Variants in PIK3R3 observed in about 807,000 individuals in gnomAD.
PIK3R3 encodes phosphoinositide-3-kinase regulatory subunit 3.
A neutral mutation model predicts 62.9 loss-of-function variants in PIK3R3; 64 were observed. The ratio of observed to expected loss-of-function variants is 1.02; its 90% confidence interval spans 0.83 to 1.25. The LOEUF is 1.25. PIK3R3 is among the 50% of genes most tolerant of loss of function. PIK3R3 has a pLI of 0.00. For synonymous variants in PIK3R3, 165 were observed against 189.0 expected (o/e 0.87, Z 1.04); for missense variants, 614 against 561.6 (o/e 1.09, Z -0.94).
chr1:46,043,735 C>A lies in PIK3R3; in HGVS notation c.1324G>T (p.Asp442Tyr), dbSNP rs776413265. The A allele has an allele frequency of 2.5e-6, 4 of 1,614,062 alleles. No individual in the cohort carries two copies. The highest frequency in any genetic ancestry group is 3.4e-6 in the Non-Finnish European group (4 of 1,180,036). The change falls in exon 10 of 10, where the codon GAC (aspartate) becomes TAC (tyrosine). Residue 442 changes from aspartate (D) to tyrosine (Y), a missense_variant. Asp to Tyr is a radical substitution (Grantham distance 160). Coordinates refer to ENST00000262741, the MANE Select transcript of PIK3R3 (RefSeq NM_003629.4). ...YQQTSLVQHN[D>Y]SLNVRLAYPV... ...TAGGCAAGCCTGACGTTGAGGGAGT[C>A]GTTGTGCTGAACCAAGGATGTCTGC...
At chr1:46,063,951 G>A (rs1484026088) in intron 5 of PIK3R3, among the ~76,000 whole-genome samples, 4 of 152,164 alleles carry the variant, frequency 2.6e-5, no homozygotes, top group Non-Finnish European at 5.9e-5. Context: ...GGTGGCTTAC[G>A]CCTGTAATCC....
rs1428989697 is a variant in PIK3R3, at chr1:46,042,921, AG to A, written c.*751del. 17 of 206,012 alleles carry A rather than the reference AG, an allele frequency of 8.3e-5. No homozygotes were observed. In the Admixed American group the frequency reaches 1.0e-3, roughly 12 times the overall value. 12.8% of individuals were successfully genotyped at this position (206,012 alleles called of 1,614,324 possible). Reference sequence around the variant, plus strand: ...GCGTTTGCTAAAACTCACAAATTCTAGTCTTTTTATGTTCAAGTTTTGGTAC... The same window carrying A: ...GCGTTTGCTAAAACTCACAAATTCTATCTTTTTATGTTCAAGTTTTGGTAC... On this transcript the variant is annotated 3_prime_UTR_variant, in exon 10 of 10. Coordinates refer to ENST00000262741, the MANE Select transcript of PIK3R3 (RefSeq NM_003629.4). The surrounding 1 kb of genome is among the most constrained non-coding windows in gnomAD (Gnocchi z 4.3).
chr1:46,129,243 AT>A (rs1655360581), intron 1 of PIK3R3, among the ~76,000 whole-genome samples: 5 of 152,186 alleles, frequency 3.3e-5, no homozygotes, highest in Admixed American at 2.6e-4. Context: ...AGTGAAAGGC[AT>A]CCCAGGAAGA....
chr1:46,146,195 G>A, the PIK3R3 span, among the ~76,000 whole-genome samples: 2 of 152,172 alleles, frequency 1.3e-5, no homozygotes, highest in African/African-American at 4.8e-5. Flanking sequence ...CCACTGTCCA[G>A]TTTTCTCTCT....
upstream of PIK3R3, among the ~76,000 whole-genome samples, chr1:46,133,593 C>T (rs1200269410): frequency 1.3e-5 from 2 of 152,190 alleles, no homozygotes; most frequent in African/African-American, 2.4e-5. Context: ...CCTTACCACT[C>T]AGGGAGAGGA....
chr1:46,085,253 T>C (rs1475733081), intron 1 of PIK3R3, among the ~76,000 whole-genome samples: 2 of 152,208 alleles, frequency 1.3e-5, no homozygotes, highest in East Asian at 3.8e-4. Context: ...ACATTCCTAC[T>C]ATCTATAATC....
intron 1 of PIK3R3, among the ~76,000 whole-genome samples, chr1:46,092,470 T>C (rs570278590): frequency 1.6e-4 from 25 of 152,236 alleles, no homozygotes; most frequent in African/African-American, 6.0e-4. Flanking sequence ...TTCAAGCAAT[T>C]CTCCTGCCTC....
chr1:46,074,314 AAAACC>A (rs1649859301), intron 3 of PIK3R3, among the ~76,000 whole-genome samples: 7 of 100,848 alleles, frequency 6.9e-5, no homozygotes, highest in African/African-American at 1.6e-4. Flanking sequence ...AAAAAAAAAA[AAAACC>A]AATAAATTCA....
the PIK3R3 span, among the ~76,000 whole-genome samples, chr1:46,163,562 G>A: frequency 6.6e-6 from 1 of 152,190 alleles, no homozygotes; most frequent in Non-Finnish European, 1.5e-5. Flanking sequence ...TAGCTAGAGA[G>A]ACAGAAAACA....
At chr1:46,158,774 A>G in the PIK3R3 span, among the ~76,000 whole-genome samples, 1 of 152,244 alleles carries the variant, frequency 6.6e-6, no homozygotes, top group Non-Finnish European at 1.5e-5. Flanking sequence ...AAGGTTGAAG[A>G]CTAAGTTGTC....
In PIK3R3 at chr1:46,044,309, A is replaced by G. The variant is rs1251642529; in HGVS notation, c.1188-438T>C. On this transcript the variant is annotated intron_variant, in intron 9 of 9. Coordinates refer to ENST00000262741, the MANE Select transcript of PIK3R3 (RefSeq NM_003629.4). This position sits in a 1 kb window ranked among gnomAD's most constrained non-coding sequence, Gnocchi z 4.2. ...GGCTGGTCGTGAACTCCTGGGCTCAAGGAATCCTCCTGCCTTAGCCTATTA... is the reference window on the plus strand; with the variant it reads ...GGCTGGTCGTGAACTCCTGGGCTCAGGGAATCCTCCTGCCTTAGCCTATTA... 1.3e-5 allele frequency among the ~76,000 whole-genome samples: 2 copies of G among 152,072 alleles called. No homozygotes were observed. Among genetic ancestry groups the G allele is most frequent in the African/African-American group, 4.8e-5 (2 of 41,392 alleles).
At chr1:46,172,928 G>A in the PIK3R3 span, among the ~76,000 whole-genome samples, 8 of 152,244 alleles carry the variant, frequency 5.3e-5, no homozygotes, top group Admixed American at 6.5e-5. Flanking sequence ...GGGAGAAGAC[G>A]GTTGCAGTGA....
upstream of PIK3R3, among the ~76,000 whole-genome samples, chr1:46,135,245 A>G (rs1707302): frequency 0.65 from 98,699 of 151,988 alleles, 32,142 homozygotes; most frequent in East Asian, 0.7. Context: ...ATTATATTTG[A>G]CCTGGGTGTG....
At chr1:46,049,769 A>G (rs572447507) in intron 7 of PIK3R3, among the ~76,000 whole-genome samples, 8 of 152,188 alleles carry the variant, frequency 5.3e-5, no homozygotes, top group Non-Finnish European at 1.0e-4. Flanking sequence ...CAGAGATCAA[A>G]TATTTTTAAT....
At chr1:46,156,709 G>A in the PIK3R3 span, among the ~76,000 whole-genome samples, 2 of 152,056 alleles carry the variant, frequency 1.3e-5, no homozygotes, top group African/African-American at 2.4e-5. Flanking sequence ...AGGCCCAAGC[G>A]CCTGTCAATT....
At position 46,105,105 on chromosome 1, in the gene PIK3R3, C is replaced by T. The variant is rs1004334069; in HGVS notation, c.107-24355G>A. On this transcript the variant is annotated intron_variant, in intron 1 of 9. Coordinates refer to ENST00000262741, the MANE Select transcript of PIK3R3 (RefSeq NM_003629.4). ...ATTGCTGTATGGACTTATGTAGCAA[C>T]TCAAATTGGAATAGAATGGAACCTG... 6.8e-6 allele frequency: 5 copies of T among 731,536 alleles called. No individual in the cohort carries two copies. In the Admixed American group the frequency reaches 9.2e-5, roughly 13 times the overall value. The allele number at this position is 731,536 out of a possible 1,614,324, so 45.3% of individuals were successfully genotyped here.
At chr1:46,155,673 GC>G in the PIK3R3 span, among the ~76,000 whole-genome samples, 2 of 152,082 alleles carry the variant, frequency 1.3e-5, no homozygotes, top group Non-Finnish European at 2.9e-5. Context: ...AGTTGCCCAG[GC>G]TGGTCCTAAA....
rs1655675128 is a variant in PIK3R3 at position 46,132,218 on chromosome 1, G to C, written c.-266C>G. ...ACAGAGGCTTGGGGGACGGAGAGCA[G>C]AGGTGTTAAAAAGCGGCTTCCCAAA... On this transcript the variant is annotated 5_prime_UTR_variant, in exon 1 of 10. Coordinates refer to ENST00000262741, the MANE Select transcript of PIK3R3 (RefSeq NM_003629.4). The C allele has an allele frequency of 1.6e-6, 2 of 1,212,700 alleles. No individual in the cohort carries two copies. The highest frequency in any genetic ancestry group is 2.1e-6 in the Non-Finnish European group (2 of 968,306). 75.1% of individuals were successfully genotyped at this position (1,212,700 alleles called of 1,614,324 possible). A position where few individuals can be genotyped will look rare whatever the true frequency, so the allele number is the denominator to read the frequency against.
intron 2 of PIK3R3, 46 bp downstream of exon 2, chr1:46,080,596 T>C (rs758567638): frequency 1.4e-5 from 18 of 1,290,118 alleles, no homozygotes; most frequent in South Asian, 7.2e-5. Context: ...TTCTCAAAAA[T>C]GACTTTTTAA....
Sources: gnomAD v4.1 joint callset for allele counts (sites outside exome capture counted in the v4.1 genomes callset) on GRCh38, gnomAD v4.1.1 for gene constraint, Gnocchi (gnomAD v3.1) non-coding constraint, MANE v1.5 for transcripts, NCBI Gene and HGNC (gene_info 2026-07-23, HGNC 2026-07-21) for gene names.